Variants in ZC3H12B observed in about 807,000 individuals in gnomAD.
ZC3H12B encodes the protein zinc finger CCCH-type containing 12B.
ZC3H12B carries 7 observed loss-of-function variants against 43.9 expected under a neutral mutation model. The observed-to-expected ratio is 0.16, with a 90% CI of 0.09 to 0.30. The LOEUF is 0.30. Among genes scored for constraint, ZC3H12B ranks in the 10% least tolerant of loss-of-function variants. The pLI is 1.00. For synonymous variants in ZC3H12B, 222 were observed against 241.7 expected, an observed-to-expected ratio of 0.92 and a Z score of 0.76; for missense variants, 475 against 670.2, an observed-to-expected ratio of 0.71 and a Z score of 3.22.
chrX:65,434,413 G>A (rs925521879), intron 3 of ZC3H12B, among the ~76,000 whole-genome samples: 1 of 111,776 alleles, frequency 8.9e-6, no homozygotes, highest in Non-Finnish European at 1.9e-5. Context: ...ATCTCCAACT[G>A]GTTCATAGTG....
chrX:65,380,909 C>A (rs1337851149), intron 2 of ZC3H12B, among the ~76,000 whole-genome samples: 2 of 111,746 alleles, frequency 1.8e-5, no homozygotes. Context: ...GCTAACTATC[C>A]TAAATATATA....
chrX:65,398,748 A>C (rs2066730710), intron 3 of ZC3H12B, 44 bp downstream of exon 5: 1 of 111,832 alleles, frequency 8.9e-6, no homozygotes, highest in Non-Finnish European at 1.9e-5. Context: ...ACCCATTTTT[A>C]AGTTAGTTCT....
the ZC3H12B span, among the ~76,000 whole-genome samples, chrX:65,163,704 C>T: frequency 9.0e-6 from 1 of 111,676 alleles, no homozygotes; most frequent in East Asian, 2.8e-4. Flanking sequence ...AAGGGAACTC[C>T]CCAACCCCTT....
chrX:65,285,397 T>C, the ZC3H12B span, among the ~76,000 whole-genome samples: 1 of 110,324 alleles, frequency 9.1e-6, no homozygotes, highest in African/African-American at 3.3e-5. Flanking sequence ...TGCACAAAAG[T>C]CTTCCCCACA....
chrX:65,474,427 G>A (rs966907317), intron 3 of ZC3H12B, among the ~76,000 whole-genome samples: 11 of 110,528 alleles, frequency 1.0e-4, no homozygotes, highest in Non-Finnish European at 7.6e-5. Context: ...TCATTAGCAA[G>A]CAATGGATTT....
intron 2 of ZC3H12B, among the ~76,000 whole-genome samples, chrX:65,498,251 T>C (rs1028230450): frequency 9.0e-6 from 1 of 111,644 alleles, no homozygotes; most frequent in African/African-American, 3.3e-5. Flanking sequence ...AAAGCAAAAA[T>C]GCCTAAGGTT....
At chrX:65,266,009 G>A in the ZC3H12B span, among the ~76,000 whole-genome samples, 1 of 111,696 alleles carries the variant, frequency 9.0e-6, no homozygotes, top group Admixed American at 9.5e-5. Flanking sequence ...CCTGAGTTGA[G>A]AAGCTAGATC....
chrX:65,191,267 G>T, the ZC3H12B span, among the ~76,000 whole-genome samples: 2 of 47,244 alleles, frequency 4.2e-5, no homozygotes, highest in Non-Finnish European at 3.5e-5. Context: ...TCTCTTTTTT[G>T]GTTGTGTCTC....
chrX:65,234,294 G>A, the ZC3H12B span, among the ~76,000 whole-genome samples: 1 of 111,860 alleles, frequency 8.9e-6, no homozygotes, highest in African/African-American at 3.2e-5. Flanking sequence ...ATAAATACTT[G>A]ATAAAATTCA....
intron 1 of ZC3H12B, among the ~76,000 whole-genome samples, chrX:65,489,904 A>G (rs1250644078): frequency 9.0e-6 from 1 of 111,622 alleles, no homozygotes; most frequent in African/African-American, 3.3e-5. Flanking sequence ...TCTCTTTAAC[A>G]GTCTCCATGA....
At chrX:65,095,086 C>T in the ZC3H12B span, among the ~76,000 whole-genome samples, 1 of 112,007 alleles carries the variant, frequency 8.9e-6, no homozygotes, top group African/African-American at 3.2e-5. Context: ...TTTTGGGAAA[C>T]TTTAATCTAT....
chrX:65,119,912 C>T, the ZC3H12B span, among the ~76,000 whole-genome samples: 1 of 111,811 alleles, frequency 8.9e-6, no homozygotes, highest in African/African-American at 3.3e-5. Flanking sequence ...GAACCCTTTC[C>T]CCATTTCTGG....
intron 2 of ZC3H12B, among the ~76,000 whole-genome samples, chrX:65,397,424 G>A (rs1250892103): frequency 9.0e-6 from 1 of 111,487 alleles, no homozygotes; most frequent in Non-Finnish European, 1.9e-5. Context: ...TTGCTTGTCT[G>A]TAAACAATTT....
At chrX:65,049,841 C>A in the ZC3H12B span, among the ~76,000 whole-genome samples, 1 of 111,324 alleles carries the variant, frequency 9.0e-6, no homozygotes, top group African/African-American at 3.2e-5. Flanking sequence ...TCTTTAGTTT[C>A]TTCCAACAAT....
the ZC3H12B span, among the ~76,000 whole-genome samples, chrX:65,134,605 T>A: frequency 9.0e-6 from 1 of 111,554 alleles, no homozygotes; most frequent in African/African-American, 3.3e-5. Flanking sequence ...CTTGGGCTGG[T>A]TGGTCTGAGG....
At chrX:65,403,773 A>G (rs1354224871) in intron 3 of ZC3H12B, among the ~76,000 whole-genome samples, 2 of 111,788 alleles carry the variant, frequency 1.8e-5, no homozygotes, top group African/African-American at 6.5e-5. Flanking sequence ...CAGACTAACA[A>G]AAGCTGAGGG....
chrX:65,238,407 T>C, the ZC3H12B span, among the ~76,000 whole-genome samples: 1 of 112,292 alleles, frequency 8.9e-6, no homozygotes, highest in East Asian at 2.8e-4. Context: ...TATTCTCTGA[T>C]GGTTGTTTGT....
chrX:65,243,758 T>G, the ZC3H12B span, among the ~76,000 whole-genome samples: 1 of 111,906 alleles, frequency 8.9e-6, no homozygotes, highest in African/African-American at 3.2e-5. Context: ...AGAAAATGTG[T>G]CAAAAATACA....
At chrX:65,229,407 G>T in the ZC3H12B span, among the ~76,000 whole-genome samples, 2 of 107,455 alleles carry the variant, frequency 1.9e-5, no homozygotes, top group Admixed American at 2.0e-4. Flanking sequence ...AGACTTAAAC[G>T]TTAGACCTAA....
Sources: allele counts gnomAD v4.1 joint callset (sites outside exome capture counted in the v4.1 genomes callset), GRCh38; gene constraint gnomAD v4.1.1; transcripts MANE v1.5; gene names NCBI Gene and HGNC (gene_info 2026-07-23, HGNC 2026-07-21).